TSPAN18: variants seen among roughly 807,000 people sequenced by gnomAD.
TSPAN18 encodes the protein tetraspanin 18, also known as tetraspanin-18.
TSPAN18 carries 14 observed loss-of-function variants against 27.3 expected under a neutral mutation model. The ratio of observed to expected loss-of-function variants is 0.51; its 90% CI spans 0.34 to 0.80. TSPAN18 has a LOEUF of 0.80. TSPAN18 is among the 30% of genes least tolerant of loss of function. The pLI is 0.01. For synonymous variants in TSPAN18, 143 were observed against 136.5 expected (o/e 1.05, Z -0.33); for missense variants, 268 against 323.9 (o/e 0.83, Z 1.32).
intron 3 of TSPAN18, among the ~76,000 whole-genome samples, chr11:44,876,264 A>T (rs1326592809): frequency 6.6e-6 from 1 of 152,136 alleles, no homozygotes; most frequent in Non-Finnish European, 1.5e-5. Context: ...TGTCTCTGAG[A>T]GGACAGGGGC....
chr11:44,922,633 G>A (rs924459072), intron 8 of TSPAN18, among the ~76,000 whole-genome samples: 10 of 152,186 alleles, frequency 6.6e-5, no homozygotes, highest in Non-Finnish European at 1.0e-4. Flanking sequence ...AGGACAGCAG[G>A]TAAGACCAGG....
At chr11:44,787,639 G>A (rs181772118) in intron 2 of TSPAN18, among the ~76,000 whole-genome samples, 2 of 152,062 alleles carry the variant, frequency 1.3e-5, no homozygotes, top group East Asian at 1.9e-4. Flanking sequence ...GGCTTCTTAC[G>A]AGGGTTAAAG....
rs1212016522 is a variant in TSPAN18 at position 44,865,803 on chromosome 11, A to G, written c.-11+5334A>G. Among the ~76,000 whole-genome samples the G allele has an allele frequency of 3.3e-5, 5 of 152,326 alleles. No individual in the cohort carries two copies. The East Asian group carries it at 7.7e-4, about 24-fold the overall frequency. On this transcript the variant is annotated intron_variant, in intron 3 of 9. Transcript: ENST00000520358. ...CCTGAGGCTGGTGCCAAGGGGTCTC[A>G]GTGGAGCAGGAACAGGAGCAGGAGC...
At chr11:44,867,624 C>T (rs1309219125) in intron 3 of TSPAN18, among the ~76,000 whole-genome samples, 1 of 151,996 alleles carries the variant, frequency 6.6e-6, no homozygotes. Flanking sequence ...GTCTCAAACT[C>T]CTGACCTCAG....
chr11:44,908,565 C>T (rs1366542335), intron 4 of TSPAN18, among the ~76,000 whole-genome samples: 1 of 151,770 alleles, frequency 6.6e-6, no homozygotes, highest in Admixed American at 6.6e-5. Context: ...AAAATTCAGT[C>T]TCTATAGAAA....
chr11:44,882,036 GCT>G (rs1446669932), intron 3 of TSPAN18, among the ~76,000 whole-genome samples: 4 of 152,058 alleles, frequency 2.6e-5, no homozygotes, highest in African/African-American at 4.8e-5. Flanking sequence ...ATCTTCTTAG[GCT>G]CTCTCTGACC....
intron 2 of TSPAN18, among the ~76,000 whole-genome samples, chr11:44,832,611 C>T (rs943008650): frequency 3.9e-5 from 6 of 152,198 alleles, no homozygotes; most frequent in African/African-American, 1.2e-4. Context: ...GCCACTGCCC[C>T]GGAGGGATCT....
At chr11:44,918,423 C>T (rs995821031) in intron 6 of TSPAN18, among the ~76,000 whole-genome samples, 11 of 152,106 alleles carry the variant, frequency 7.2e-5, no homozygotes, top group Non-Finnish European at 1.6e-4. Context: ...TGGCTGGTAT[C>T]CTCCTGGGTA....
intron 6 of TSPAN18, among the ~76,000 whole-genome samples, chr11:44,918,677 G>T (rs1372165624): frequency 6.6e-6 from 1 of 152,132 alleles, no homozygotes; most frequent in Non-Finnish European, 1.5e-5. Context: ...CCTGTGAGCA[G>T]ACAATGGTGC....
At chr11:44,800,082 T>C (rs1447672669) in intron 2 of TSPAN18, among the ~76,000 whole-genome samples, 1 of 149,964 alleles carries the variant, frequency 6.7e-6, no homozygotes, top group Non-Finnish European at 1.5e-5. Context: ...GTCTCAAACT[T>C]CTGACCTCAG....
chr11:44,816,860 G>A (rs995651860), intron 2 of TSPAN18, among the ~76,000 whole-genome samples: 1 of 152,182 alleles, frequency 6.6e-6, no homozygotes, highest in African/African-American at 2.4e-5. Flanking sequence ...CCAAGCTGCT[G>A]TCTGCCTCTC....
chr11:44,867,050 AAAT>A (rs1246943120), intron 3 of TSPAN18, among the ~76,000 whole-genome samples: 1 of 152,214 alleles, frequency 6.6e-6, no homozygotes, highest in African/African-American at 2.4e-5. Context: ...GGAGGTAAAA[AAAT>A]AATAAAAGAC....
At chr11:44,906,351 G>T (rs752941915) in intron 3 of TSPAN18, 56 bp from the exon 4 acceptor site, 9 of 1,545,178 alleles carry the variant, frequency 5.8e-6, no homozygotes, top group Non-Finnish European at 8.1e-6. Context: ...AGGGGCTGGG[G>T]TTCTTCCTGG....
chr11:44,897,849 T>C (rs1398061287), intron 3 of TSPAN18: 1 of 1,289,236 alleles, frequency 7.8e-7, no homozygotes, highest in African/African-American at 1.5e-5. Context: ...GGCAATAGCC[T>C]CTCCCTTCTC....
intron 2 of TSPAN18, among the ~76,000 whole-genome samples, chr11:44,788,204 C>G (rs1336145011): frequency 6.6e-6 from 1 of 152,198 alleles, no homozygotes; most frequent in East Asian, 1.9e-4. Flanking sequence ...CCTCAGTCCC[C>G]AGATGGGCGG....
chr11:44,804,134 G>T (rs952885516), intron 2 of TSPAN18, among the ~76,000 whole-genome samples: 1 of 151,006 alleles, frequency 6.6e-6, no homozygotes, highest in South Asian at 2.1e-4. Context: ...ACAGAGTCTC[G>T]CTCTGTCGCC....
rs1214525585 is a variant in TSPAN18 at position 44,927,652 on chromosome 11, C to T, written c.699+895C>T. ...AGCACACACTGAGCCCTATTCTTCG[C>T]CAGCACTGTTATAGTTGAACAAGTC... On this transcript the variant is annotated intron_variant, in intron 9 of 9. Coordinates refer to ENST00000520358, the MANE Select transcript of TSPAN18 (RefSeq NM_130783.5). Among the ~76,000 whole-genome samples the T allele has an allele frequency of 4.6e-5, 7 of 152,278 alleles. No individual in the cohort carries two copies. The East Asian group carries it at 1.2e-3, about 25-fold the overall frequency.
At chr11:44,802,076 T>G (rs942367705) in intron 2 of TSPAN18, among the ~76,000 whole-genome samples, 1 of 152,120 alleles carries the variant, frequency 6.6e-6, no homozygotes, top group African/African-American at 2.4e-5. Context: ...AATGTCATCA[T>G]CCATGCACTT....
chr11:44,805,390 G>C (rs116850445), intron 2 of TSPAN18, among the ~76,000 whole-genome samples: 2 of 152,198 alleles, frequency 1.3e-5, no homozygotes, highest in South Asian at 2.1e-4. Flanking sequence ...TGCTTCCACA[G>C]AGGCATTCTC....
Sources: gnomAD v4.1 joint callset for allele counts (sites outside exome capture counted in the v4.1 genomes callset) on GRCh38, gnomAD v4.1.1 for gene constraint, MANE v1.5 for transcripts, NCBI Gene and HGNC (gene_info 2026-07-23, HGNC 2026-07-21) for gene names.